Variants in MXRA7 observed in about 807,000 individuals in gnomAD.
MXRA7 encodes the protein matrix-remodeling-associated protein 7.
In MXRA7, 18 loss-of-function variants were observed where a neutral mutation model predicts 17.4. That is an observed-to-expected ratio of 1.03 (90% CI 0.71 to 1.53). The LOEUF (loss-of-function observed/expected upper bound fraction) is 1.53, where lower values mean the gene tolerates loss of function less well. MXRA7 is among the 40% of genes most tolerant of loss of function. The probability of loss-of-function intolerance (pLI) is 0.00; values close to 1 mark genes in which losing one functional copy is unlikely to be tolerated. For missense variants in MXRA7, 141 were observed against 209.3 expected (o/e 0.67, Z 2.01); for synonymous variants, 70 against 101.7 (o/e 0.69, Z 1.87).
chr17:76,696,764 C>T (rs1391009452), intron 1 of MXRA7, among the ~76,000 whole-genome samples: 3 of 152,138 alleles, frequency 2.0e-5, no homozygotes, highest in South Asian at 2.1e-4. Flanking sequence ...TGAATGAATC[C>T]GTGAAGGTGC....
intron 1 of MXRA7, among the ~76,000 whole-genome samples, chr17:76,701,021 G>A (rs2076585177): frequency 6.6e-6 from 1 of 152,114 alleles, no homozygotes; most frequent in Admixed American, 6.5e-5. Context: ...TGCCGAGTAG[G>A]CAGGGTGCTC....
At chr17:76,698,007 C>T (rs1028274833) in intron 1 of MXRA7, among the ~76,000 whole-genome samples, 4 of 152,176 alleles carry the variant, frequency 2.6e-5, no homozygotes, top group Non-Finnish European at 5.9e-5. Context: ...TGCGTGTCTG[C>T]TGCCCAAGGA....
At chr17:76,696,781 C>G (rs1230951270) in intron 1 of MXRA7, among the ~76,000 whole-genome samples, 7 of 152,150 alleles carry the variant, frequency 4.6e-5, no homozygotes, top group Non-Finnish European at 8.8e-5. Context: ...GTGCGGCCAG[C>G]CAAAGGCAAT....
At chr17:76,687,856 C>T (rs773290966) in intron 2 of MXRA7, among the ~76,000 whole-genome samples, 1 of 152,148 alleles carries the variant, frequency 6.6e-6, no homozygotes, top group Non-Finnish European at 1.5e-5. Context: ...CCAGGCAGGG[C>T]GTGTAGTGTG....
intron 1 of MXRA7, among the ~76,000 whole-genome samples, chr17:76,707,949 A>G (rs1312504636): frequency 6.6e-6 from 1 of 152,188 alleles, no homozygotes; most frequent in Admixed American, 6.5e-5. Context: ...AATCCTTAGG[A>G]GAGAAAAGAG....
chr17:76,691,715 GA>G (rs1373483636), intron 1 of MXRA7, among the ~76,000 whole-genome samples: 1 of 152,146 alleles, frequency 6.6e-6, no homozygotes, highest in Non-Finnish European at 1.5e-5. Context: ...TGCATGGACA[GA>G]AAAACAGTTG....
intron 1 of MXRA7, among the ~76,000 whole-genome samples, chr17:76,707,872 G>C (rs2076679255): frequency 6.6e-6 from 1 of 152,192 alleles, no homozygotes; most frequent in Admixed American, 6.5e-5. Flanking sequence ...TCTTGACTTC[G>C]TTGGCTCATG....
At chr17:76,709,662 G>C (rs1379694532) in intron 1 of MXRA7, 1 of 153,040 alleles carries the variant, frequency 6.5e-6, no homozygotes, top group African/African-American at 2.4e-5. Context: ...CCAAGAAAAG[G>C]AGCTCAGGGG....
At chr17:76,685,748 T>C (rs1293557895) in intron 2 of MXRA7, among the ~76,000 whole-genome samples, 2 of 152,218 alleles carry the variant, frequency 1.3e-5, no homozygotes, top group East Asian at 3.9e-4. Context: ...CGGACAGATC[T>C]CGAGGCCTGA....
downstream of MXRA7, chr17:76,677,744 C>T (rs1567974124): frequency 6.9e-7 from 1 of 1,449,754 alleles, no homozygotes; most frequent in Non-Finnish European, 9.7e-7. Flanking sequence ...GTGCTCCTAG[C>T]CCACTGGGGA....
chr17:76,698,712 GTTTTTTT>G (rs3078394), intron 1 of MXRA7, among the ~76,000 whole-genome samples: 17 of 54,912 alleles, frequency 3.1e-4, no homozygotes, highest in African/African-American at 1.1e-3. Flanking sequence ...CTTCCTTTCT[GTTTTTTT>G]TTTTTTTTTT....
chr17:76,677,921 G>A (rs1007088058), downstream of MXRA7, among the ~76,000 whole-genome samples: 8 of 152,174 alleles, frequency 5.3e-5, no homozygotes, highest in African/African-American at 1.7e-4. Flanking sequence ...ACTGGGATGC[G>A]AAATCTCAGG....
chr17:76,686,646 C>T (rs2076401579), intron 2 of MXRA7, among the ~76,000 whole-genome samples: 1 of 152,200 alleles, frequency 6.6e-6, no homozygotes, highest in Non-Finnish European at 1.5e-5. Context: ...GCAGCGCATC[C>T]AGTTTTGCTA....
rs191563373 is a variant in MXRA7 at position 76,686,493 on chromosome 17, A to C, written c.407-1328T>G. Among the ~76,000 whole-genome samples the C allele has an allele frequency of 6.8e-3, 1,035 of 152,164 alleles. 8 individuals carry two copies. Among genetic ancestry groups the C allele is most frequent in the Non-Finnish European group, 0.012 (826 of 67,990 alleles). On this transcript the variant is annotated intron_variant, in intron 2 of 3. Coordinates refer to ENST00000449428, the MANE Select transcript of MXRA7 (RefSeq NM_198530.4). ...AGATTCCAGTATCCCCCTACCCCCC[A>C]AAAAAAGAAAACATACAAAATCCTG... is the stretch of plus-strand genomic sequence containing the variant.
intron 1 of MXRA7, among the ~76,000 whole-genome samples, chr17:76,706,205 C>CTCT (rs2143687087): frequency 6.7e-6 from 1 of 149,838 alleles, no homozygotes; most frequent in African/African-American, 2.4e-5. Context: ...CAGAGGCCCA[C>CTCT]GCTGCCATCA....
At chr17:76,673,841 C>T (rs1181707257) in exon 4 of MXRA7, 2 of 152,224 alleles carry the variant, frequency 1.3e-5, no homozygotes, top group African/African-American at 4.8e-5. Context: ...AGGTGGTTAC[C>T]GTCAGTCCAG....
chr17:76,691,068 C>G (rs2076474532), intron 1 of MXRA7, among the ~76,000 whole-genome samples: 1 of 152,176 alleles, frequency 6.6e-6, no homozygotes, highest in Non-Finnish European at 1.5e-5. Context: ...AGAGATCAAG[C>G]TGCAATGAGG....
rs373738686 is a variant in MXRA7 at position 76,685,040 on chromosome 17, C to T, written c.500+32G>A. On this transcript the variant is annotated intron_variant, in intron 3 of 3. Coordinates refer to ENST00000449428, the MANE Select transcript of MXRA7 (RefSeq NM_198530.4). ...GGGGCACCCCCCTCCCCCAAGAGCCCGCCAGGCGCCAGCGAAGGGGCTGCA... is the reference window on the plus strand; with the variant it reads ...GGGGCACCCCCCTCCCCCAAGAGCCTGCCAGGCGCCAGCGAAGGGGCTGCA... 2.3e-5 allele frequency: 36 copies of T among 1,590,602 alleles called. No homozygotes were observed. The African/African-American group carries it at 3.5e-4, about 15-fold the overall frequency.
intron 1 of MXRA7, among the ~76,000 whole-genome samples, chr17:76,697,789 G>A (rs1306535831): frequency 6.6e-6 from 1 of 152,192 alleles, no homozygotes; most frequent in African/African-American, 2.4e-5. Flanking sequence ...GGGAGACACA[G>A]TGAACCAAGC....
Sources: allele counts gnomAD v4.1 joint callset (sites outside exome capture counted in the v4.1 genomes callset), GRCh38; gene constraint gnomAD v4.1.1; transcripts MANE v1.5; gene names NCBI Gene and HGNC (gene_info 2026-07-23, HGNC 2026-07-21).